The following PRKG1 variants were observed in gnomAD, a reference collection of about 807,000 sequenced individuals.
PRKG1 encodes the protein protein kinase cGMP-dependent 1.
In PRKG1, 35 loss-of-function variants were observed where a neutral mutation model predicts 88.1. The observed-to-expected ratio is 0.40, with a 90% CI of 0.30 to 0.53. The LOEUF (loss-of-function observed/expected upper bound fraction) is 0.53, where lower values mean the gene tolerates loss of function less well. Among genes scored for constraint, PRKG1 ranks in the 20% least tolerant of loss-of-function variants. The pLI, the probability that PRKG1 is intolerant of heterozygous loss-of-function variation, is 0.59. For synonymous variants in PRKG1, 303 were observed against 292.5 expected, an observed-to-expected ratio of 1.04 and a Z score of -0.37; for missense variants, 540 against 839.8, an observed-to-expected ratio of 0.64 and a Z score of 4.41.
At chr10:51,783,884 G>A (rs1464513557) in intron 3 of PRKG1, among the ~76,000 whole-genome samples, 124 of 152,240 alleles carry the variant, frequency 8.1e-4, no homozygotes, top group Non-Finnish European at 1.5e-5. Flanking sequence ...TGTGTGATGT[G>A]AACTTGTTTC....
In PRKG1 at chr10:50,991,219, C is replaced by A; in HGVS notation, c.-160C>A. ...AAGCGGATCGAAGCAGGAGGCTCCCCGCGCCGCATTAGGGGCGCACTCCGC... is the reference window on the plus strand; with the variant it reads ...AAGCGGATCGAAGCAGGAGGCTCCCAGCGCCGCATTAGGGGCGCACTCCGC... On this transcript the variant is annotated 5_prime_UTR_variant, in exon 1 of 18. Coordinates refer to the PRKG1 transcript ENST00000401604. The surrounding 1 kb of genome is among the most constrained non-coding windows in gnomAD (Gnocchi z 4.5). The A allele has an allele frequency of 1.9e-6, 2 of 1,067,554 alleles. No individual in the cohort carries two copies. The highest frequency in any genetic ancestry group is 3.5e-5 in the South Asian group (2 of 57,834). The allele number at this position is 1,067,554 out of a possible 1,614,324, so 66.1% of individuals were successfully genotyped here.
intron 10 of PRKG1, among the ~76,000 whole-genome samples, 171 bp from the exon 11 acceptor site, chr10:52,271,179 T>C (rs745567214): frequency 2.6e-5 from 4 of 152,070 alleles, no homozygotes; most frequent in East Asian, 1.9e-4. Context: ...GATTGGATGA[T>C]AGCTGTGAGC....
At chr10:51,363,528 A>G (rs1168466932) in intron 2 of PRKG1, among the ~76,000 whole-genome samples, 1 of 151,972 alleles carries the variant, frequency 6.6e-6, no homozygotes, top group African/African-American at 2.4e-5. Context: ...AATTAAATAG[A>G]GGTGTCAAAT....
At chr10:51,913,911 A>G (rs1019618943) in intron 5 of PRKG1, among the ~76,000 whole-genome samples, 9 of 152,320 alleles carry the variant, frequency 5.9e-5, no homozygotes, top group Non-Finnish European at 1.2e-4. Flanking sequence ...TCTCTATACT[A>G]TCCCATATAG....
At chr10:51,375,276 A>C (rs1842794611) in intron 2 of PRKG1, among the ~76,000 whole-genome samples, 1 of 152,202 alleles carries the variant, frequency 6.6e-6, no homozygotes, top group Non-Finnish European at 1.5e-5. Context: ...ACCTATTTAT[A>C]GGGTCATTAG....
intron 4 of PRKG1, among the ~76,000 whole-genome samples, chr10:51,893,590 C>T (rs1057373939): frequency 6.6e-6 from 1 of 152,108 alleles, no homozygotes; most frequent in African/African-American, 2.4e-5. Flanking sequence ...TGCATATAGT[C>T]CTTCAATCTG....
chr10:51,821,812 A>G (rs567562098), intron 4 of PRKG1, among the ~76,000 whole-genome samples: 34 of 152,254 alleles, frequency 2.2e-4, no homozygotes, highest in African/African-American at 7.0e-4. Context: ...ACTCATGCAT[A>G]TGGTCAGTTG....
intron 3 of PRKG1, among the ~76,000 whole-genome samples, chr10:51,593,178 T>A (rs1354037113): frequency 1.3e-5 from 2 of 152,192 alleles, no homozygotes; most frequent in Non-Finnish European, 2.9e-5. Context: ...CTATTTTGCT[T>A]TTGCAGTATC....
At position 51,750,452 on chromosome 10, in the gene PRKG1, C is replaced by G. The variant is rs145069395; in HGVS notation, c.593-54133C>G. Among the ~76,000 whole-genome samples, 454 of 152,168 alleles carry G rather than the reference C, an allele frequency of 3.0e-3. 3 individuals carry two copies. Among genetic ancestry groups the G allele is most frequent in the African/African-American group, 0.01 (428 of 41,502 alleles). On this transcript the variant is annotated intron_variant, in intron 3 of 17. Coordinates refer to ENST00000373980, the MANE Select transcript of PRKG1 (RefSeq NM_006258.4). Reference sequence around the variant, plus strand: ...GTGTACATTTTACTATGAGACACAGCTTATAATTTTACTATTCATTTAAAA... The same window carrying G: ...GTGTACATTTTACTATGAGACACAGGTTATAATTTTACTATTCATTTAAAA...
At chr10:51,414,561 A>G (rs1466669443) in intron 2 of PRKG1, among the ~76,000 whole-genome samples, 1 of 152,190 alleles carries the variant, frequency 6.6e-6, no homozygotes, top group East Asian at 1.9e-4. Flanking sequence ...TGAATAGTGT[A>G]ACTTTCTCTA....
At chr10:51,569,402 T>C (rs1837689991) in intron 3 of PRKG1, among the ~76,000 whole-genome samples, 1 of 152,090 alleles carries the variant, frequency 6.6e-6, no homozygotes, top group South Asian at 2.1e-4. Context: ...TTGGAGTATT[T>C]GTCTTCATTA....
intron 7 of PRKG1, among the ~76,000 whole-genome samples, chr10:52,115,992 G>A (rs1589619879): frequency 6.6e-6 from 1 of 152,050 alleles, no homozygotes; most frequent in East Asian, 1.9e-4. Context: ...GCTCCACTCA[G>A]CAATATAGAC....
chr10:51,467,850 C>T lies in PRKG1; in HGVS notation c.592+14C>T. On this transcript the variant is annotated intron_variant, in intron 3 of 17. Transcript: ENST00000373980. ...CGACCGTCAAGAGTAAGACTATTTT[C>T]ATATTTTTAAAATATTTTCAATGTC... 1 of 1,585,706 alleles carries T rather than the reference C, an allele frequency of 6.3e-7. No homozygotes were observed. Among genetic ancestry groups the T allele is most frequent in the Non-Finnish European group, 8.7e-7 (1 of 1,154,610 alleles).
Position 52,280,892 on chromosome 10 carries a change from G to GA in PRKG1, c.1511dup (p.Asn504LysfsTer14). On this transcript the variant is annotated frameshift_variant, in exon 13 of 18. Coordinates refer to ENST00000373980, the MANE Select transcript of PRKG1 (RefSeq NM_006258.4). LOFTEE classifies it high-confidence loss of function. ...AATCATTTACAGGGACCTCAAGCCAGAAAATCTCATCCTAGATCACCGAGG... is the reference window on the plus strand; with the variant it reads ...AATCATTTACAGGGACCTCAAGCCAGAAAAATCTCATCCTAGATCACCGAGG... 6.2e-7 allele frequency: 1 copy of GA among 1,613,478 alleles called. No homozygotes were observed. The highest frequency in any genetic ancestry group is 8.5e-7 in the Non-Finnish European group (1 of 1,179,672).
upstream of PRKG1, chr10:51,074,244 T>A: frequency 4.4e-6 from 1 of 228,742 alleles, no homozygotes; most frequent in Non-Finnish European, 8.6e-6. Context: ...GGAGCCCCCA[T>A]TCACGTCCCC....
intron 2 of PRKG1, among the ~76,000 whole-genome samples, chr10:51,383,210 A>C (rs1014312992): frequency 6.6e-6 from 1 of 152,102 alleles, no homozygotes; most frequent in African/African-American, 2.4e-5. Flanking sequence ...GACAATAGAC[A>C]ACCAAATATC....
At chr10:51,496,239 G>T (rs1027725392) in intron 3 of PRKG1, among the ~76,000 whole-genome samples, 2 of 152,168 alleles carry the variant, frequency 1.3e-5, no homozygotes, top group African/African-American at 4.8e-5. Context: ...TGTGTTTATT[G>T]TGTGGAAGAA....
chr10:51,061,375 T>C (rs1167925842), intron 1 of PRKG1, among the ~76,000 whole-genome samples: 1 of 152,154 alleles, frequency 6.6e-6, no homozygotes, highest in African/African-American at 2.4e-5. Context: ...ACCAGGTCCC[T>C]CTCACAACAC....
At chr10:51,294,855 T>G (rs1242399200) in intron 2 of PRKG1, among the ~76,000 whole-genome samples, 1 of 152,186 alleles carries the variant, frequency 6.6e-6, no homozygotes, top group Non-Finnish European at 1.5e-5. Flanking sequence ...GGAGGATCAC[T>G]TGAGGCAAGG....
Sources: allele counts gnomAD v4.1 joint callset (sites outside exome capture counted in the v4.1 genomes callset), GRCh38; gene constraint gnomAD v4.1.1; non-coding constraint Gnocchi (gnomAD v3.1); transcripts MANE v1.5; gene names NCBI Gene and HGNC (gene_info 2026-07-23, HGNC 2026-07-21).